HIVEP2: variants seen among roughly 807,000 people sequenced by gnomAD.
HIVEP2 encodes HIVEP zinc finger 2, also known as transcription factor HIVEP2.
A neutral mutation model predicts 180.7 loss-of-function variants in HIVEP2; 14 were observed. That is an observed-to-expected ratio of 0.08 (90% CI 0.05 to 0.12). HIVEP2 has a LOEUF of 0.12. Among genes scored for constraint, HIVEP2 ranks in the 10% least tolerant of loss-of-function variants. HIVEP2 has a pLI of 1.00. For missense variants in HIVEP2, 2,579 were observed against 3,008.5 expected, an observed-to-expected ratio of 0.86 and a Z score of 3.34; for synonymous variants, 1,184 against 1,136.4, an observed-to-expected ratio of 1.04 and a Z score of -0.84.
Position 142,943,488 on chromosome 6 carries a change from T to G in HIVEP2, c.-641+1611A>C, listed in dbSNP as rs193022587. Among the ~76,000 whole-genome samples the G allele has an allele frequency of 6.7e-3, 1,024 of 152,344 alleles. 4 individuals carry two copies. The highest frequency in any genetic ancestry group is 0.011 in the Non-Finnish European group (779 of 68,020). On this transcript the variant is annotated intron_variant, in intron 1 of 9. Transcript: ENST00000367603. This position sits in a 1 kb window ranked among gnomAD's most constrained non-coding sequence, Gnocchi z 4.5. ...TGGATCTTATTAATATTTCAAGTAATGTCTGGGCTTGATTATGCACTACAA... is the reference window on the plus strand; with the variant it reads ...TGGATCTTATTAATATTTCAAGTAAGGTCTGGGCTTGATTATGCACTACAA...
chr6:142,857,899 C>G (rs1024443665), intron 1 of HIVEP2, among the ~76,000 whole-genome samples: 5 of 152,104 alleles, frequency 3.3e-5, no homozygotes, highest in Admixed American at 3.3e-4. Context: ...GGGCTGGGGT[C>G]GGGTCTTGGG....
Position 142,760,258 on chromosome 6 carries a change from T to C in HIVEP2, c.6030A>G (p.Glu2010=). 6 of 1,614,162 alleles carry C rather than the reference T, an allele frequency of 3.7e-6. No individual in the cohort carries two copies. Among genetic ancestry groups the C allele is most frequent in the Non-Finnish European group, 5.1e-6 (6 of 1,180,010 alleles). ...RLFQSKSTDS[E]PDKDRLDIPS... Reference sequence around the variant, plus strand: ...GTATGTCCAATCTGTCTTTGTCTGGTTCTGAGTCCGTACTTTTGCTCTGGA... The same window carrying C: ...GTATGTCCAATCTGTCTTTGTCTGGCTCTGAGTCCGTACTTTTGCTCTGGA... Residue 2010 remains glutamate, a synonymous_variant, in exon 9 of 10, where the codon GAA becomes GAG. Coordinates refer to ENST00000367603, the MANE Select transcript of HIVEP2 (RefSeq NM_006734.4).
chr6:142,783,326 C>CAAAAAAAAAAAA (rs567202980), intron 3 of HIVEP2, among the ~76,000 whole-genome samples, 195 bp downstream of exon 3: 6 of 71,048 alleles, frequency 8.4e-5, no homozygotes, highest in South Asian at 5.4e-4. Context: ...GACTCCGTCA[C>CAAAAAAAAAAAA]AAAAAAAAAA....
intron 2 of HIVEP2, among the ~76,000 whole-genome samples, chr6:142,814,752 T>C (rs917637890): frequency 5.3e-5 from 8 of 152,110 alleles, no homozygotes; most frequent in African/African-American, 1.4e-4. Context: ...CAGAGATATC[T>C]AGTATATAGT....
At chr6:142,790,405 T>C (rs1029535993) in intron 2 of HIVEP2, among the ~76,000 whole-genome samples, 1 of 152,190 alleles carries the variant, frequency 6.6e-6, no homozygotes, top group Admixed American at 6.5e-5. Flanking sequence ...GGTAGGTAAA[T>C]AACTACTTCT....
chr6:142,923,388 C>T (rs562368360), intron 1 of HIVEP2, among the ~76,000 whole-genome samples: 89 of 151,968 alleles, frequency 5.9e-4, no homozygotes, highest in African/African-American at 2.1e-3. Flanking sequence ...AAGCATGAAC[C>T]AAAATATAAC....
chr6:142,796,903 A>T (rs1776292819), intron 2 of HIVEP2, among the ~76,000 whole-genome samples: 1 of 152,154 alleles, frequency 6.6e-6, no homozygotes, highest in Non-Finnish European at 1.5e-5. Flanking sequence ...TAGCAACAGG[A>T]GGGAACTACA....
At chr6:142,815,996 C>T (rs1776824552) in intron 2 of HIVEP2, among the ~76,000 whole-genome samples, 2 of 152,090 alleles carry the variant, frequency 1.3e-5, no homozygotes, top group Admixed American at 1.3e-4. Flanking sequence ...TTTTTTTTTA[C>T]ACTACCCAAT....
In HIVEP2 at chr6:142,791,590, C is replaced by T. The variant is rs142480524; in HGVS notation, c.-527-7975G>A. Among the ~76,000 whole-genome samples the T allele has an allele frequency of 9.2e-5, 14 of 152,322 alleles. No homozygotes were observed. In the East Asian group the frequency reaches 9.6e-4, roughly 10 times the overall value. On this transcript the variant is annotated intron_variant, in intron 2 of 9. Coordinates refer to ENST00000367603, the MANE Select transcript of HIVEP2 (RefSeq NM_006734.4). ...CTGTCAGGCAATTCCAGAATTCCAT[C>T]TGCAGGCTCATTCATTCAGTCAAAT...
intron 1 of HIVEP2, among the ~76,000 whole-genome samples, chr6:142,851,451 C>T (rs779802867): frequency 1.1e-4 from 17 of 152,150 alleles, no homozygotes; most frequent in African/African-American, 2.2e-4. Flanking sequence ...GATCTAGAAA[C>T]GGTAATGGAG....
chr6:142,879,214 G>A (rs1156875923), intron 1 of HIVEP2, among the ~76,000 whole-genome samples: 6 of 152,094 alleles, frequency 3.9e-5, no homozygotes, highest in African/African-American at 1.2e-4. Flanking sequence ...CCTATTAAAC[G>A]TGATGTTTTA....
In HIVEP2 at chr6:142,867,940, A is replaced by G. The variant is rs1007509206; in HGVS notation, c.-640-30893T>C. On this transcript the variant is annotated intron_variant, in intron 1 of 9. Transcript: ENST00000367603. ...TTCTTGCAAATAAAAATAAATTTCC[A>G]ACAGTCTCACGGTCATCCATTGAAT... is the stretch of plus-strand genomic sequence containing the variant. Among the ~76,000 whole-genome samples, 6 of 152,294 alleles carry G rather than the reference A, an allele frequency of 3.9e-5. 1 individual carries two copies. The East Asian group carries it at 1.2e-3, about 29-fold the overall frequency.
Position 142,756,072 on chromosome 6 carries a change from T to C in HIVEP2, c.6517-2141A>G, listed in dbSNP as rs988887424. Among the ~76,000 whole-genome samples the C allele has an allele frequency of 9.8e-5, 15 of 152,372 alleles. No individual in the cohort carries two copies. The East Asian group carries it at 2.1e-3, about 22-fold the overall frequency. ...TGGAAAAACAAATAGTGAATTCAAA[T>C]GTAGATTATGTTAAGTGCATATGTA... On this transcript the variant is annotated intron_variant, in intron 9 of 9. Coordinates refer to ENST00000367603, the MANE Select transcript of HIVEP2 (RefSeq NM_006734.4).
At chr6:142,885,275 G>C (rs1347794568) in intron 1 of HIVEP2, among the ~76,000 whole-genome samples, 1 of 152,020 alleles carries the variant, frequency 6.6e-6, no homozygotes, top group Non-Finnish European at 1.5e-5. Context: ...GAAACAAACT[G>C]AGCCAGAATT....
At chr6:142,757,467 T>A (rs1775105843) in intron 9 of HIVEP2, among the ~76,000 whole-genome samples, 1 of 152,158 alleles carries the variant, frequency 6.6e-6, no homozygotes, top group Admixed American at 6.5e-5. Flanking sequence ...GAGACCATCC[T>A]GGCCAACATG....
chr6:142,823,560 G>A (rs1257395120), intron 2 of HIVEP2, among the ~76,000 whole-genome samples: 2 of 152,208 alleles, frequency 1.3e-5, no homozygotes, highest in Admixed American at 6.5e-5. Flanking sequence ...TGGTGTGGAC[G>A]CAACAGATTC....
rs745329695 is a variant in HIVEP2 at position 142,753,182 on chromosome 6, A to G, written c.7266T>C (p.Phe2422=). 4.3e-6 allele frequency: 7 copies of G among 1,613,856 alleles called. No homozygotes were observed. Among genetic ancestry groups the G allele is most frequent in the African/African-American group, 2.7e-5 (2 of 74,930 alleles). The change falls in exon 10 of 10, where the codon TTT becomes TTC. Residue 2422 remains phenylalanine, a synonymous_variant. Coordinates refer to ENST00000367603, the MANE Select transcript of HIVEP2 (RefSeq NM_006734.4). ...KSCVDDKQLD[F]HSSKELSSST... ...TTGAAGATAATTCCTTGCTGCTGTG[A>G]AAGTCCAACTGCTTGTCATCCACAC... is the stretch of plus-strand genomic sequence containing the variant.
intron 2 of HIVEP2, among the ~76,000 whole-genome samples, chr6:142,822,565 C>G (rs1777068629): frequency 6.6e-6 from 1 of 152,126 alleles, no homozygotes; most frequent in Non-Finnish European, 1.5e-5. Context: ...GAAGGAAGTG[C>G]TAAACTTCAG....
At chr6:142,758,902 T>C (rs197465) in intron 9 of HIVEP2, among the ~76,000 whole-genome samples, 41,960 of 152,016 alleles carry the variant, frequency 0.28, 6,077 homozygotes, top group East Asian at 0.48. Context: ...GACAGGCTCA[T>C]GTCTTTGATT....
Sources: gnomAD v4.1 joint callset for allele counts (sites outside exome capture counted in the v4.1 genomes callset) on GRCh38, gnomAD v4.1.1 for gene constraint, Gnocchi (gnomAD v3.1) non-coding constraint, MANE v1.5 for transcripts, NCBI Gene and HGNC (gene_info 2026-07-23, HGNC 2026-07-21) for gene names.